The following KIF9 variants were observed in gnomAD, a reference collection of about 807,000 sequenced individuals.
KIF9 encodes the protein kinesin family member 9, also known as kinesin-like protein KIF9.
In KIF9, 68 loss-of-function variants were observed where a neutral mutation model predicts 94.8. The ratio of observed to expected loss-of-function variants is 0.72; its 90% CI spans 0.59 to 0.88. The LOEUF (loss-of-function observed/expected upper bound fraction) is 0.88, where lower values mean the gene tolerates loss of function less well. KIF9 is among the 40% of genes least tolerant of loss of function. The pLI, the probability that KIF9 is intolerant of heterozygous loss-of-function variation, is 0.00. For synonymous variants in KIF9, 343 were observed against 362.1 expected (o/e 0.95, Z 0.60); for missense variants, 882 against 982.5 (o/e 0.90, Z 1.37).
At chr3:47,282,338 G>A in intron 1 of KIF9, 157 bp downstream of exon 1, 1 of 986,034 alleles carries the variant, frequency 1.0e-6, no homozygotes, top group Non-Finnish European at 1.2e-6. Flanking sequence ...AAGGACTCCC[G>A]CGACGTCGAG....
intron 14 of KIF9, chr3:47,245,192 TC>T (rs1699842396): frequency 5.0e-6 from 3 of 599,702 alleles, no homozygotes; most frequent in Middle Eastern, 8.8e-4. Flanking sequence ...CCAACCTAAT[TC>T]CAGGAAATCG....
At chr3:47,229,827 G>A (rs1215450704) in intron 20 of KIF9, among the ~76,000 whole-genome samples, 3 of 151,652 alleles carry the variant, frequency 2.0e-5, no homozygotes, top group East Asian at 2.0e-4. Context: ...TCTGCCTCCC[G>A]GGTTCAAGCG....
intron 5 of KIF9, among the ~76,000 whole-genome samples, chr3:47,268,938 CT>C (rs1194894823): frequency 6.6e-6 from 1 of 152,020 alleles, no homozygotes; most frequent in African/African-American, 2.4e-5. Context: ...CCTTGTCTTT[CT>C]TTTTTTGTAT....
In KIF9 at chr3:47,271,447, G is replaced by A. The variant is rs769750758; in HGVS notation, c.381C>T (p.Ile127=). Residue 127 remains isoleucine, a synonymous_variant, in exon 5 of 21, where the codon ATC becomes ATT. Transcript: ENST00000684063. ...PRALQQVFRM[I]EERPTHAITV... ...TGATGGCATGTGTGGGGCGTTCTTC[G>A]ATCATCCTAAAAACCTAGATGACAG... is the stretch of plus-strand genomic sequence containing the variant. The A allele has an allele frequency of 1.8e-5, 29 of 1,613,774 alleles. No homozygotes were observed. The highest frequency in any genetic ancestry group is 1.0e-4 in the Admixed American group (6 of 59,968).
intron 14 of KIF9, 137 bp from the exon 15 acceptor site, chr3:47,245,061 AG>A: frequency 8.4e-7 from 1 of 1,191,978 alleles, no homozygotes; most frequent in Middle Eastern, 2.9e-4. Flanking sequence ...TGCTGATGCC[AG>A]CCTCAGGCTG....
At chr3:47,230,632 G>A (rs1698496233) in intron 20 of KIF9, among the ~76,000 whole-genome samples, 1 of 151,982 alleles carries the variant, frequency 6.6e-6, no homozygotes, top group Non-Finnish European at 1.5e-5. Context: ...TCAGGAGGCC[G>A]AGGAAGGAGA....
intron 10 of KIF9, among the ~76,000 whole-genome samples, chr3:47,248,737 C>G (rs1700083200): frequency 6.6e-6 from 1 of 152,134 alleles, no homozygotes. Flanking sequence ...GCCACCATAC[C>G]CAGCACCAGA....
chr3:47,241,799 G>GTATATATATGTATATATGTA (rs35832810), intron 16 of KIF9, among the ~76,000 whole-genome samples: 6 of 133,120 alleles, frequency 4.5e-5, no homozygotes, highest in Admixed American at 1.6e-4. Context: ...GTGTATATAT[G>GTATATATATGTATATATGTA]TATATATGTA....
chr3:47,251,188 C>A (rs1243968177), intron 10 of KIF9, among the ~76,000 whole-genome samples: 2 of 152,242 alleles, frequency 1.3e-5, no homozygotes, highest in Non-Finnish European at 2.9e-5. Context: ...GAAAGTTCGA[C>A]TGAGCCATCA....
chr3:47,242,899 A>T (rs2107188391), intron 16 of KIF9, 152 bp downstream of exon 16: 4 of 596,878 alleles, frequency 6.7e-6, no homozygotes, highest in Non-Finnish European at 1.1e-5. Flanking sequence ...TTGCAGATGC[A>T]TAAGTCATGT....
chr3:47,242,992 G>A lies in KIF9; in HGVS notation c.1709+59C>T. ...TTTTATCTGCAGGTACTCTTCACAT[G>A]TTGAGGATCACATATGGTTTTGTTT... On this transcript the variant is annotated intron_variant, in intron 16 of 20. Transcript: ENST00000684063. 3 of 1,376,300 alleles carry A rather than the reference G, an allele frequency of 2.2e-6. No homozygotes were observed. The South Asian group carries it at 4.0e-5, about 18-fold the overall frequency. The allele number at this position is 1,376,300 out of a possible 1,614,324, so 85.3% of individuals were successfully genotyped here.
chr3:47,236,450 C>CA lies in KIF9; in HGVS notation c.2093dup (p.Leu699AlafsTer5), dbSNP rs1235006067. Reference sequence around the variant, plus strand: ...CCTTCCCAACTGTCGCACCCATGAGCAGGCGGTGGCGACACTGATCCACTA... The same window carrying CA: ...CCTTCCCAACTGTCGCACCCATGAGCAAGGCGGTGGCGACACTGATCCACTA... On this transcript the variant is annotated frameshift_variant, in exon 18 of 21. Transcript: ENST00000684063. LOFTEE classifies it high-confidence loss of function. 1.9e-6 allele frequency: 3 copies of CA among 1,613,028 alleles called. No homozygotes were observed. The highest frequency in any genetic ancestry group is 1.7e-6 in the Non-Finnish European group (2 of 1,180,018).
In KIF9 at chr3:47,257,470, A is replaced by G; in HGVS notation, c.1059+13T>C. 6.2e-7 allele frequency: 1 copy of G among 1,611,878 alleles called. No homozygotes were observed. Among genetic ancestry groups the G allele is most frequent in the Non-Finnish European group, 8.5e-7 (1 of 1,178,220 alleles). On this transcript the variant is annotated intron_variant, in intron 10 of 20. Coordinates refer to ENST00000684063, the MANE Select transcript of KIF9 (RefSeq NM_182902.4). The stretch of plus-strand genomic sequence containing the variant: ...CCCCACAGTGGGACACCTGTCCACA[A>G]CCCCTGCTGTACCTCAGCATCATAC...
At chr3:47,235,659 T>A in intron 19 of KIF9, 42 bp from the exon 20 acceptor site, 1 of 1,492,058 alleles carries the variant, frequency 6.7e-7, no homozygotes, top group Non-Finnish European at 9.3e-7. Flanking sequence ...TGTCAGGATA[T>A]ACCCTAGCAG....
At chr3:47,275,124 T>C (rs2107509358) in intron 3 of KIF9, 2 of 542,440 alleles carry the variant, frequency 3.7e-6, no homozygotes, top group East Asian at 3.1e-5. Context: ...AATTTTCCTA[T>C]GAAGGTAGAA....
Position 47,271,317 on chromosome 3 carries a change from T to C in KIF9, c.511A>G (p.Asn171Asp). Residue 171 changes from asparagine (N) to aspartate (D), a missense_variant, in exon 5 of 21, where the codon AAC becomes GAC. By Grantham distance (23) the Asn-to-Asp change is conservative. Coordinates refer to ENST00000684063, the MANE Select transcript of KIF9 (RefSeq NM_182902.4). The part of the protein sequence containing the change: ...PSVTPMTIVE[N>D]PQGVFIKGLS... ...CCCTTAATGAAGACTCCTTGAGGGT[T>C]TTCCACGATGGTCATTGGTGTGACT... 6.2e-7 allele frequency: 1 copy of C among 1,614,058 alleles called. No homozygotes were observed. The highest frequency in any genetic ancestry group is 2.2e-5 in the East Asian group (1 of 44,874).
rs1701020828 is a variant in KIF9 at position 47,262,240 on chromosome 3, G to A, written c.981+2046C>T. 2.0e-5 allele frequency among the ~76,000 whole-genome samples: 3 copies of A among 151,974 alleles called. No individual in the cohort carries two copies. In the South Asian group the frequency reaches 6.2e-4, roughly 32 times the overall value. ...GCAGCCAGGAGGCCCATTTCTTATG[G>A]CTCTTCTTGGGTTCAACCATGCGGG... On this transcript the variant is annotated intron_variant, in intron 9 of 20. Transcript: ENST00000684063.
At chr3:47,239,410 C>A (rs1466393281) in intron 17 of KIF9, among the ~76,000 whole-genome samples, 1 of 152,148 alleles carries the variant, frequency 6.6e-6, no homozygotes, top group Non-Finnish European at 1.5e-5. Context: ...ATGTCCTCTC[C>A]CTGTGGCTCT....
At chr3:47,252,691 T>C (rs1261881402) in intron 10 of KIF9, among the ~76,000 whole-genome samples, 2 of 152,014 alleles carry the variant, frequency 1.3e-5, no homozygotes, top group Non-Finnish European at 2.9e-5. Flanking sequence ...GCAATGTTGA[T>C]AATCCTAAGC....
Sources: gnomAD v4.1 joint callset for allele counts (sites outside exome capture counted in the v4.1 genomes callset) on GRCh38, gnomAD v4.1.1 for gene constraint, MANE v1.5 for transcripts, NCBI Gene and HGNC (gene_info 2026-07-23, HGNC 2026-07-21) for gene names.